Variants in GALNT5 observed in about 807,000 individuals in gnomAD.
The protein encoded by GALNT5 is polypeptide N-acetylgalactosaminyltransferase 5.
In GALNT5, 72 loss-of-function variants were observed where a neutral mutation model predicts 85.4. That is an observed-to-expected ratio of 0.84 (90% CI 0.70 to 1.03). The LOEUF (loss-of-function observed/expected upper bound fraction) is 1.03. Ranked by LOEUF, GALNT5 falls within the 50% of genes least tolerant of loss-of-function variation. GALNT5 has a pLI of 0.00. For synonymous variants in GALNT5, 404 were observed against 397.0 expected (o/e 1.02, Z -0.21); for missense variants, 1,137 against 1,135.5 (o/e 1.00, Z -0.02).
rs902645776 is a variant in GALNT5, at chr2:157,316,630, A to G, written c.*5282A>G. On this transcript the variant is annotated 3_prime_UTR_variant, in exon 10 of 10. Transcript: ENST00000259056. ...GCCTTACAATTAGAAAAAAAAATTA[A>G]CCAGAGATATTGTACAAAATATTTA... 2.6e-5 allele frequency among the ~76,000 whole-genome samples: 4 copies of G among 152,124 alleles called. No individual in the cohort carries two copies. The highest frequency in any genetic ancestry group is 9.7e-5 in the African/African-American group (4 of 41,430).
rs891798130 is a variant in GALNT5 at position 157,307,207 on chromosome 2, T to C, written c.2521-1360T>C. On this transcript the variant is annotated intron_variant, in intron 8 of 9. Transcript: ENST00000259056. ...CCTTTTAGTCTTTGTTGCTCATTTT[T>C]AGCTTCTGCCTCTTGTGGTTTGCTT... Among the ~76,000 whole-genome samples the C allele has an allele frequency of 7.2e-5, 11 of 152,322 alleles. No individual in the cohort carries two copies. The East Asian group carries it at 7.7e-4, about 11-fold the overall frequency.
chr2:157,286,270 T>C (rs1682969048), intron 3 of GALNT5, 136 bp downstream of exon 3: 2 of 677,438 alleles, frequency 3.0e-6, no homozygotes, highest in Non-Finnish European at 5.1e-6. Context: ...TTTTAAACAG[T>C]TTTTATAATA....
intron 7 of GALNT5, among the ~76,000 whole-genome samples, chr2:157,303,931 C>A (rs1458537353): frequency 6.6e-6 from 1 of 152,202 alleles, no homozygotes; most frequent in Non-Finnish European, 1.5e-5. Context: ...ATTTGTACAA[C>A]ATTCTGACAG....
At chr2:157,309,617 C>T (rs575749659) in intron 9 of GALNT5, among the ~76,000 whole-genome samples, 1 of 152,274 alleles carries the variant, frequency 6.6e-6, no homozygotes, top group South Asian at 2.1e-4. Context: ...CTCAGTTTGT[C>T]CTGGGCTATC....
At position 157,312,392 on chromosome 2, in the gene GALNT5, G is replaced by A. The variant is rs774783564; in HGVS notation, c.*1044G>A. On this transcript the variant is annotated 3_prime_UTR_variant, in exon 10 of 10. Coordinates refer to ENST00000259056, the MANE Select transcript of GALNT5 (RefSeq NM_014568.3). ...CATCATGAAAGGGGAAAGGAATGAG[G>A]TAAACAAGTCTTAGGAAGAGAGTTA... The A allele has an allele frequency of 6.6e-6, 1 of 151,770 alleles. No individual in the cohort carries two copies. The highest frequency in any genetic ancestry group is 2.4e-5 in the African/African-American group (1 of 41,318). 9.4% of individuals were successfully genotyped at this position (151,770 alleles called of 1,614,324 possible).
rs1051762836 is a variant in GALNT5 at position 157,317,647 on chromosome 2, C to T, written c.*6299C>T. ...AAGTACTTTTTCTTTTGCATCTGAT[C>T]GACTGAAGTTATTATAAAGAAGGAA... On this transcript the variant is annotated 3_prime_UTR_variant, in exon 10 of 10. Transcript: ENST00000259056. Among the ~76,000 whole-genome samples the T allele has an allele frequency of 2.0e-5, 3 of 152,066 alleles. No homozygotes were observed. Among genetic ancestry groups the T allele is most frequent in the African/African-American group, 4.8e-5 (2 of 41,422 alleles).
intron 1 of GALNT5, among the ~76,000 whole-genome samples, chr2:157,264,692 C>T (rs76229396): frequency 0.068 from 10,321 of 151,828 alleles, 1,174 homozygotes; most frequent in African/African-American, 0.23. Flanking sequence ...CTTTCTGGAA[C>T]CTTAATTTTG....
At chr2:157,267,613 C>G (rs1448031221) in intron 1 of GALNT5, among the ~76,000 whole-genome samples, 2 of 152,210 alleles carry the variant, frequency 1.3e-5, no homozygotes, top group Non-Finnish European at 2.9e-5. Flanking sequence ...ACCACCTCCT[C>G]CTCTTCTCCC....
At position 157,286,249 on chromosome 2, in the gene GALNT5, A is replaced by C; in HGVS notation, c.1741+115A>C. Reference sequence around the variant, plus strand: ...AATGATGCCTATATATGCATCACTTAGTTCCATCAATTTTAAACAGTTTTT... The same window carrying C: ...AATGATGCCTATATATGCATCACTTCGTTCCATCAATTTTAAACAGTTTTT... On this transcript the variant is annotated intron_variant, in intron 3 of 9. Transcript: ENST00000259056. 9.2e-6 allele frequency: 7 copies of C among 759,794 alleles called. No individual in the cohort carries two copies. The Admixed American group carries it at 1.6e-4, about 17-fold the overall frequency. 47.1% of individuals were successfully genotyped at this position (759,794 alleles called of 1,614,324 possible).
intron 1 of GALNT5, among the ~76,000 whole-genome samples, chr2:157,264,656 T>C (rs1254650712): frequency 1.3e-5 from 2 of 151,946 alleles, no homozygotes; most frequent in Non-Finnish European, 2.9e-5. Context: ...CACAAACCAA[T>C]CTAAATTACT....
intron 2 of GALNT5, among the ~76,000 whole-genome samples, chr2:157,285,612 C>G (rs1320799470): frequency 6.6e-6 from 1 of 152,106 alleles, no homozygotes; most frequent in African/African-American, 2.4e-5. Flanking sequence ...GTCTTATTTG[C>G]ACACATTGTT....
At chr2:157,293,103 G>GA (rs1242882400) in intron 3 of GALNT5, among the ~76,000 whole-genome samples, 1 of 152,208 alleles carries the variant, frequency 6.6e-6, no homozygotes, top group Non-Finnish European at 1.5e-5. Flanking sequence ...CATGACAGGG[G>GA]AGACAGCTGT....
Position 157,313,664 on chromosome 2 carries a change from T to A in GALNT5, c.*2316T>A, listed in dbSNP as rs577917046. 6.6e-6 allele frequency: 1 copy of A among 152,268 alleles called. No homozygotes were observed. Among genetic ancestry groups the A allele is most frequent in the East Asian group, 1.9e-4 (1 of 5,186 alleles). 9.4% of individuals were successfully genotyped at this position (152,268 alleles called of 1,614,324 possible). A position where few individuals can be genotyped will look rare whatever the true frequency, so the allele number is the denominator to read the frequency against. On this transcript the variant is annotated 3_prime_UTR_variant, in exon 10 of 10. Coordinates refer to ENST00000259056, the MANE Select transcript of GALNT5 (RefSeq NM_014568.3). ...AGTTTCCACAAAGAAGTCAACTCTG[T>A]TCTGAAAAAAAATGAATTGCATTTT...
At chr2:157,290,095 AT>A (rs1683064197) in intron 3 of GALNT5, among the ~76,000 whole-genome samples, 1 of 136,214 alleles carries the variant, frequency 7.3e-6, no homozygotes, top group Non-Finnish European at 1.5e-5. Context: ...ATGTATATAT[AT>A]ATATATATAT....
chr2:157,316,510 T>C lies in GALNT5; in HGVS notation c.*5162T>C, dbSNP rs569526750. 1.3e-5 allele frequency among the ~76,000 whole-genome samples: 2 copies of C among 152,258 alleles called. No individual in the cohort carries two copies. Among genetic ancestry groups the C allele is most frequent in the Non-Finnish European group, 2.9e-5 (2 of 67,996 alleles). On this transcript the variant is annotated 3_prime_UTR_variant, in exon 10 of 10. Coordinates refer to ENST00000259056, the MANE Select transcript of GALNT5 (RefSeq NM_014568.3). ...TTGGAGTCCTTTAAAACACAAACCATGACTTTTTATTCCTACTCATTGTGT... is the reference window on the plus strand; with the variant it reads ...TTGGAGTCCTTTAAAACACAAACCACGACTTTTTATTCCTACTCATTGTGT...
chr2:157,292,845 A>G (rs1683129528), intron 3 of GALNT5, among the ~76,000 whole-genome samples: 1 of 152,068 alleles, frequency 6.6e-6, no homozygotes, highest in African/African-American at 2.4e-5. Flanking sequence ...AGCTGGGGCT[A>G]CAGGCACACA....
intron 1 of GALNT5, among the ~76,000 whole-genome samples, chr2:157,265,666 GA>G (rs1305081155): frequency 6.6e-6 from 1 of 152,186 alleles, no homozygotes; most frequent in Non-Finnish European, 1.5e-5. Context: ...TCTTGGCCCT[GA>G]AAATAACTTC....
chr2:157,310,759 G>T (rs1264823926), intron 9 of GALNT5, among the ~76,000 whole-genome samples: 1 of 152,102 alleles, frequency 6.6e-6, no homozygotes, highest in Non-Finnish European at 1.5e-5. Flanking sequence ...ATGGTAAGGA[G>T]CTCATAAATA....
At chr2:157,292,099 TC>T (rs1204578157) in intron 3 of GALNT5, among the ~76,000 whole-genome samples, 1 of 152,220 alleles carries the variant, frequency 6.6e-6, no homozygotes. Flanking sequence ...AATTTAGATA[TC>T]AGGTAGCTCT....
Sources: gnomAD v4.1 joint callset for allele counts (sites outside exome capture counted in the v4.1 genomes callset) on GRCh38, gnomAD v4.1.1 for gene constraint, MANE v1.5 for transcripts, NCBI Gene and HGNC (gene_info 2026-07-23, HGNC 2026-07-21) for gene names.